Variants in ENTPD7 observed in about 807,000 individuals in gnomAD.
ENTPD7 encodes the protein ectonucleoside triphosphate diphosphohydrolase 7, also known as NTPDase 7.
ENTPD7 carries 53 observed loss-of-function variants against 77.9 expected under a neutral mutation model. The ratio of observed to expected loss-of-function variants is 0.68; its 90% CI spans 0.55 to 0.85. ENTPD7 has a LOEUF of 0.85. Ranked by LOEUF, ENTPD7 falls within the 40% of genes least tolerant of loss-of-function variation. The pLI is 0.00. For missense variants in ENTPD7, 636 were observed against 743.7 expected (o/e 0.86, Z 1.68); for synonymous variants, 248 against 274.9 (o/e 0.90, Z 0.97).
chr10:99,691,279 A>C (rs1209301020), intron 7 of ENTPD7, 106 bp from the exon 8 acceptor site: 1 of 1,250,560 alleles, frequency 8.0e-7, no homozygotes, highest in Admixed American at 2.5e-5. Flanking sequence ...GGTGTGAGCC[A>C]TGGCACCTGC....
rs988381164 is a variant in ENTPD7 at position 99,709,944 on chromosome 10, C to G, written c.*5261C>G. 4.9e-5 allele frequency: 48 copies of G among 985,296 alleles called. No individual in the cohort carries two copies. The highest frequency in any genetic ancestry group is 5.7e-5 in the Non-Finnish European group (47 of 829,896). 61.0% of individuals were successfully genotyped at this position (985,296 alleles called of 1,614,324 possible). On this transcript the variant is annotated 3_prime_UTR_variant, in exon 13 of 13. Transcript: ENST00000370489. ...TAGTAAAACTGAATCATTACTCATA[C>G]TACAAGGGCTTTCACTTTTAAAATG... is the stretch of plus-strand genomic sequence containing the variant.
At chr10:99,698,999 AC>A in intron 10 of ENTPD7, 141 bp downstream of exon 10, 2 of 735,884 alleles carry the variant, frequency 2.7e-6, no homozygotes, top group Non-Finnish European at 4.3e-6. Context: ...CACTCATTTT[AC>A]AGATGAGGAA....
chr10:99,709,935 T>G lies in ENTPD7; in HGVS notation c.*5252T>G. The stretch of plus-strand genomic sequence containing the variant: ...TCCTTTTATTAGTAAAACTGAATCA[T>G]TACTCATACTACAAGGGCTTTCACT... On this transcript the variant is annotated 3_prime_UTR_variant, in exon 13 of 13. Transcript: ENST00000370489. The G allele has an allele frequency of 3.0e-6, 3 of 985,444 alleles. No individual in the cohort carries two copies. The highest frequency in any genetic ancestry group is 3.6e-6 in the Non-Finnish European group (3 of 829,902). 61.0% of individuals were successfully genotyped at this position (985,444 alleles called of 1,614,324 possible). A position where few individuals can be genotyped will look rare whatever the true frequency, so the allele number is the denominator to read the frequency against.
chr10:99,706,149 T>G lies in ENTPD7; in HGVS notation c.*1466T>G, dbSNP rs1439733675. 1 of 151,956 alleles carries G rather than the reference T, an allele frequency of 6.6e-6. No individual in the cohort carries two copies. The highest frequency in any genetic ancestry group is 1.5e-5 in the Non-Finnish European group (1 of 67,970). The allele number at this position is 151,956 out of a possible 1,614,324, so 9.4% of individuals were successfully genotyped here. ...AAAAGTAGAATTCTTCAAAAATAAA[T>G]TTCATACTGGGAACAGAAAGGAACT... On this transcript the variant is annotated 3_prime_UTR_variant, in exon 13 of 13. Coordinates refer to ENST00000370489, the MANE Select transcript of ENTPD7 (RefSeq NM_020354.5).
chr10:99,670,802 C>A (rs763875312), intron 3 of ENTPD7, among the ~76,000 whole-genome samples: 4 of 152,070 alleles, frequency 2.6e-5, no homozygotes, highest in Non-Finnish European at 5.9e-5. Flanking sequence ...ATCTCTTGAG[C>A]CCAGGAGTTC....
intron 9 of ENTPD7, 60 bp downstream of exon 9, chr10:99,696,182 A>G: frequency 6.4e-7 from 1 of 1,573,042 alleles, no homozygotes; most frequent in Non-Finnish European, 8.7e-7. Flanking sequence ...GATATTAGGG[A>G]GAAATACTCA....
At position 99,679,478 on chromosome 10, in the gene ENTPD7, A is replaced by T. The variant is rs778371833; in HGVS notation, c.397+12A>T. 7.5e-6 allele frequency: 12 copies of T among 1,600,318 alleles called. No individual in the cohort carries two copies. Among genetic ancestry groups the T allele is most frequent in the Non-Finnish European group, 1.0e-5 (12 of 1,174,828 alleles). ...AAAAATCAAGCCAGGTACTAATCAG[A>T]ATATATTTTGTTGTCAGTCTCTTTT... On this transcript the variant is annotated intron_variant, in intron 4 of 12. Coordinates refer to ENST00000370489, the MANE Select transcript of ENTPD7 (RefSeq NM_020354.5).
chr10:99,672,466 C>G (rs112115090), intron 3 of ENTPD7, among the ~76,000 whole-genome samples: 1 of 151,804 alleles, frequency 6.6e-6, no homozygotes, highest in African/African-American at 2.4e-5. Flanking sequence ...CCACCACACC[C>G]GACTAATTTT....
chr10:99,677,397 C>G, intron 3 of ENTPD7, among the ~76,000 whole-genome samples: 1 of 137,292 alleles, frequency 7.3e-6, no homozygotes, highest in South Asian at 2.4e-4. Flanking sequence ...TGGAGTCTCG[C>G]TCTGTCACCC....
At chr10:99,683,687 A>G (rs1394779334) in intron 5 of ENTPD7, among the ~76,000 whole-genome samples, 1 of 152,232 alleles carries the variant, frequency 6.6e-6, no homozygotes, top group African/African-American at 2.4e-5. Flanking sequence ...TTGTTTTTTT[A>G]GCATAAATGG....
rs1329493241 is a variant in ENTPD7 at position 99,706,144 on chromosome 10, A to T, written c.*1461A>T. On this transcript the variant is annotated 3_prime_UTR_variant, in exon 13 of 13. Coordinates refer to ENST00000370489, the MANE Select transcript of ENTPD7 (RefSeq NM_020354.5). ...AAAACAAAAGTAGAATTCTTCAAAA[A>T]TAAATTTCATACTGGGAACAGAAAG... The T allele has an allele frequency of 6.6e-6, 1 of 152,224 alleles. No homozygotes were observed. Among genetic ancestry groups the T allele is most frequent in the Non-Finnish European group, 1.5e-5 (1 of 68,034 alleles). 9.4% of individuals were successfully genotyped at this position (152,224 alleles called of 1,614,324 possible).
At position 99,704,462 on chromosome 10, in the gene ENTPD7, C is replaced by G; in HGVS notation, c.1594C>G (p.Gln532Glu). The G allele has an allele frequency of 6.2e-7, 1 of 1,614,062 alleles. No homozygotes were observed. Among genetic ancestry groups the G allele is most frequent in the East Asian group, 2.2e-5 (1 of 44,898 alleles). Residue 532 changes from glutamine to glutamate, a missense_variant, in exon 13 of 13, where the codon CAG becomes GAG. Coordinates refer to ENST00000370489, the MANE Select transcript of ENTPD7 (RefSeq NM_020354.5). ...TRFLPLRDLR[Q>E]EGVRQAHGSW... ...TTAATTCTTCCCTAGGGATCTTCGG[C>G]AGGAAGGTGTCCGACAAGCCCATGG...
intron 3 of ENTPD7, among the ~76,000 whole-genome samples, chr10:99,669,366 A>G (rs11190231): frequency 0.097 from 14,833 of 152,162 alleles, 1,044 homozygotes; most frequent in East Asian, 0.31. Context: ...GGAATTTAAC[A>G]TATCACTTTT....
intron 5 of ENTPD7, among the ~76,000 whole-genome samples, chr10:99,684,082 G>A (rs185345141): frequency 2.3e-4 from 35 of 152,264 alleles, no homozygotes; most frequent in African/African-American, 7.2e-4. Context: ...TGGAGATGGA[G>A]TCTCCCTCTA....
Position 99,698,546 on chromosome 10 carries a change from G to C in ENTPD7, c.1023G>C (p.Gln341His), listed in dbSNP as rs768465011. Residue 341 changes from glutamine to histidine, a missense_variant, in exon 10 of 13, where the codon CAG (glutamine) becomes CAC (histidine). Gln to His is a conservative substitution (Grantham distance 24, BLOSUM62 0). Transcript: ENST00000370489. ...ETLNKNRLLG[Q>H]KTGLSPDNPF... The stretch of plus-strand genomic sequence containing the variant: ...GTCATTGTGGCAGATTGCTTGGTCA[G>C]AAGACAGGTCTGAGTCCCGACAATC... 8.1e-6 allele frequency: 13 copies of C among 1,613,852 alleles called. No individual in the cohort carries two copies. Among genetic ancestry groups the C allele is most frequent in the Non-Finnish European group, 8.5e-7 (1 of 1,179,808 alleles).
intron 5 of ENTPD7, among the ~76,000 whole-genome samples, chr10:99,681,966 T>C (rs1456639760): frequency 6.6e-6 from 1 of 152,218 alleles, no homozygotes; most frequent in Non-Finnish European, 1.5e-5. Context: ...AAATATTTTT[T>C]CCCATTCTGT....
chr10:99,679,265 T>C lies in ENTPD7; in HGVS notation c.196T>C (p.Leu66=), dbSNP rs1393484170. 6.2e-7 allele frequency: 1 copy of C among 1,614,058 alleles called. No individual in the cohort carries two copies. The highest frequency in any genetic ancestry group is 8.5e-7 in the Non-Finnish European group (1 of 1,179,988). ...LPRDRQYERY[L]ARVGELEATD... ...TTCTCTTTTTGCCTGACTTAGGTAT[T>C]TGGCTCGAGTAGGGGAGCTTGAAGC... Residue 66 remains leucine, a synonymous_variant, in exon 4 of 13, where the codon TTG becomes CTG. Transcript: ENST00000370489.
At chr10:99,701,149 C>T in intron 11 of ENTPD7, 91 bp downstream of exon 11, 1 of 1,128,766 alleles carries the variant, frequency 8.9e-7, no homozygotes, top group South Asian at 1.3e-5. Flanking sequence ...GATTAGATTT[C>T]ATGTTGAGGG....
rs2035498882 is a variant in ENTPD7, at chr10:99,662,447, T to TACTTTCATTCCTCCCTTCCCCA, written c.191+840_191+841insAACTTTCATTCCTCCCTTCCCC. Among the ~76,000 whole-genome samples the TACTTTCATTCCTCCCTTCCCCA allele has an allele frequency of 2.0e-5, 3 of 152,318 alleles. No individual in the cohort carries two copies. In the South Asian group the frequency reaches 6.2e-4, roughly 32 times the overall value. On this transcript the variant is annotated intron_variant, in intron 3 of 12. Coordinates refer to ENST00000370489, the MANE Select transcript of ENTPD7 (RefSeq NM_020354.5). ...CTAGAACAAGAACCTAACAACAGTA[T>TACTTTCATTCCTCCCTTCCCCA]ACTTTCATTCCTCCCTTCCCCTTGG...
Sources: gnomAD v4.1 joint callset for allele counts (sites outside exome capture counted in the v4.1 genomes callset) on GRCh38, gnomAD v4.1.1 for gene constraint, MANE v1.5 for transcripts, NCBI Gene and HGNC (gene_info 2026-07-23, HGNC 2026-07-21) for gene names.